The following TMCO6 variants were observed in gnomAD, a reference collection of about 807,000 sequenced individuals.
The protein encoded by TMCO6 is transmembrane and coiled-coil domains 6, also known as transmembrane and coiled-coil domain-containing protein 6.
Under a neutral mutation model 61.8 loss-of-function variants are expected in TMCO6, and 47 were observed. That is an observed-to-expected ratio of 0.76 (90% CI 0.60 to 0.97). The LOEUF (loss-of-function observed/expected upper bound fraction) is 0.97, where lower values mean the gene tolerates loss of function less well. Among genes scored for constraint, TMCO6 ranks in the 50% least tolerant of loss-of-function variants. The pLI, the probability that TMCO6 is intolerant of heterozygous loss-of-function variation, is 0.00. For synonymous variants in TMCO6, 261 were observed against 254.2 expected, an observed-to-expected ratio of 1.03 and a Z score of -0.25; for missense variants, 557 against 601.6, an observed-to-expected ratio of 0.93 and a Z score of 0.78.
At chr5:140,600,257 C>T in the TMCO6 span, among the ~76,000 whole-genome samples, 1 of 152,016 alleles carries the variant, frequency 6.6e-6, no homozygotes, top group South Asian at 2.1e-4. Context: ...GTCCAAAGTC[C>T]CAGCAGTTAT....
In TMCO6 at chr5:140,642,341, C is replaced by T. The variant is rs1201878367; in HGVS notation, c.525C>T (p.Asn175=). 1.2e-6 allele frequency: 2 copies of T among 1,613,700 alleles called. No homozygotes were observed. The highest frequency in any genetic ancestry group is 1.7e-5 in the Admixed American group (1 of 59,954). Residue 175 remains asparagine (N), a synonymous_variant, in exon 5 of 12, where the codon AAC becomes AAT. Coordinates refer to ENST00000394671, the MANE Select transcript of TMCO6 (RefSeq NM_018502.5). The part of the protein sequence containing the change: ...FIELCLYTLG[N]LIVESEAVRR... ...AGCTGTGTCTGTATACACTGGGTAA[C>T]CTGATCGTGGAGAGTGAGGCTGTGA...
At position 140,644,646 on chromosome 5, in the gene TMCO6, T is replaced by C; in HGVS notation, c.1274T>C (p.Leu425Pro). 6.2e-7 allele frequency: 1 copy of C among 1,614,252 alleles called. No individual in the cohort carries two copies. ...YCQRLWPGPL[L>P]PALLHTLAFS... ...CAGCGGCTGTGGCCAGGGCCCCTGCTTCCCGCCTTGCTGCACACACTAGCC... is the reference window on the plus strand; with the variant it reads ...CAGCGGCTGTGGCCAGGGCCCCTGCCTCCCGCCTTGCTGCACACACTAGCC... The change falls in exon 11 of 12, where the codon CTT (leucine) becomes CCT (proline). Residue 425 changes from leucine (L) to proline (P), a missense_variant. Physicochemically the swap from Leu to Pro is moderately conservative, Grantham distance 98. Transcript: ENST00000394671.
At chr5:140,608,396 G>T in the TMCO6 span, among the ~76,000 whole-genome samples, 1 of 152,102 alleles carries the variant, frequency 6.6e-6, no homozygotes, top group African/African-American at 2.4e-5. Flanking sequence ...TAAACTCTGG[G>T]TAGTAAACCA....
chr5:140,598,594 C>T, the TMCO6 span, among the ~76,000 whole-genome samples: 2 of 152,176 alleles, frequency 1.3e-5, no homozygotes, highest in African/African-American at 4.8e-5. Flanking sequence ...ATAGTATTTT[C>T]AGCATTCGTA....
chr5:140,642,296 T>A lies in TMCO6; in HGVS notation c.499-19T>A. 1 of 1,595,482 alleles carries A rather than the reference T, an allele frequency of 6.3e-7. No homozygotes were observed. The highest frequency in any genetic ancestry group is 1.1e-5 in the South Asian group (1 of 88,644). ...GCATGAAACAGGCCAAGCCCAGTGC[T>A]TTTGTTGCCTGTTCTCAGGAGCTGT... On this transcript the variant is annotated intron_variant, in intron 4 of 11. Coordinates refer to ENST00000394671, the MANE Select transcript of TMCO6 (RefSeq NM_018502.5).
At chr5:140,603,749 G>C in the TMCO6 span, among the ~76,000 whole-genome samples, 1 of 152,154 alleles carries the variant, frequency 6.6e-6, no homozygotes, top group Non-Finnish European at 1.5e-5. Context: ...CTGTTGATGA[G>C]CATTTGGGTT....
chr5:140,632,980 C>T, the TMCO6 span: 2 of 1,614,014 alleles, frequency 1.2e-6, no homozygotes, highest in African/African-American at 2.7e-5. The surrounding 1 kb of genome is among the most constrained non-coding windows in gnomAD (Gnocchi z 6.2). Flanking sequence ...GACGCGCGCT[C>T]CTGGGGAGAG....
In TMCO6 at chr5:140,642,342, C is replaced by G. The variant is rs1197054314; in HGVS notation, c.526C>G (p.Leu176Val). ...IELCLYTLGNLIVESEAVRRQ... is the reference protein window; with the variant it reads ...IELCLYTLGNVIVESEAVRRQ... ...GCTGTGTCTGTATACACTGGGTAAC[C>G]TGATCGTGGAGAGTGAGGCTGTGAG... The change falls in exon 5 of 12, where the codon CTG becomes GTG. Residue 176 changes from leucine (L) to valine (V), a missense_variant. Transcript: ENST00000394671. 6.2e-7 allele frequency: 1 copy of G among 1,613,568 alleles called. No individual in the cohort carries two copies. Among genetic ancestry groups the G allele is most frequent in the African/African-American group, 1.3e-5 (1 of 74,932 alleles).
At chr5:140,647,539 G>A (rs765747363), downstream of TMCO6, 1 of 1,612,046 alleles carries the variant, frequency 6.2e-7, no homozygotes, top group Non-Finnish European at 8.5e-7. Context: ...TCTCACGCAG[G>A]CCCAGCTTTG....
the TMCO6 span, among the ~76,000 whole-genome samples, chr5:140,620,267 C>A: frequency 6.6e-6 from 1 of 152,058 alleles, no homozygotes; most frequent in East Asian, 1.9e-4. Context: ...GTGAAAGAAG[C>A]CAATCTTAAA....
At chr5:140,616,376 A>G in the TMCO6 span, among the ~76,000 whole-genome samples, 6 of 152,312 alleles carry the variant, frequency 3.9e-5, no homozygotes, top group African/African-American at 1.4e-4. Flanking sequence ...CCTGGGCAAC[A>G]TAGTAAACCA....
intron 2 of TMCO6, 62 bp from the exon 3 acceptor site, chr5:140,641,599 CAGAG>C (rs1236859402): frequency 7.2e-7 from 1 of 1,387,468 alleles, no homozygotes; most frequent in Non-Finnish European, 1.0e-6. Flanking sequence ...GTGAAGTGGG[CAGAG>C]AGAGACTTAG....
downstream of TMCO6, chr5:140,645,843 C>G: frequency 8.0e-7 from 1 of 1,246,996 alleles, no homozygotes; most frequent in Non-Finnish European, 1.1e-6. Context: ...CAATAGGTCT[C>G]AAACACATCT....
the TMCO6 span, among the ~76,000 whole-genome samples, chr5:140,626,191 T>G: frequency 6.6e-6 from 1 of 151,802 alleles, no homozygotes; most frequent in African/African-American, 2.4e-5. Context: ...CCTACTGGAC[T>G]GTCCACCTGT....
At chr5:140,601,909 A>G in the TMCO6 span, among the ~76,000 whole-genome samples, 1 of 152,244 alleles carries the variant, frequency 6.6e-6, no homozygotes, top group Non-Finnish European at 1.5e-5. Context: ...CAGTATATTC[A>G]TGAATATTTT....
the TMCO6 span, among the ~76,000 whole-genome samples, chr5:140,611,588 A>T: frequency 6.6e-6 from 1 of 152,228 alleles, no homozygotes; most frequent in East Asian, 1.9e-4. Flanking sequence ...CCAAGATGAC[A>T]GTGCTCCTGC....
At chr5:140,644,274 C>T (rs2149797825) in intron 10 of TMCO6, 80 bp downstream of exon 10, 1 of 1,467,938 alleles carries the variant, frequency 6.8e-7, no homozygotes, top group East Asian at 2.3e-5. Flanking sequence ...CAGATGTACC[C>T]TTAGTTGAGA....
Position 140,645,168 on chromosome 5 carries a change from G to C in TMCO6, c.*70G>C. 6.7e-7 allele frequency: 1 copy of C among 1,492,048 alleles called. No homozygotes were observed. Among genetic ancestry groups the C allele is most frequent in the South Asian group, 1.1e-5 (1 of 88,410 alleles). 92.4% of individuals were successfully genotyped at this position (1,492,048 alleles called of 1,614,324 possible). On this transcript the variant is annotated 3_prime_UTR_variant, in exon 12 of 12. Coordinates refer to ENST00000394671, the MANE Select transcript of TMCO6 (RefSeq NM_018502.5). ...GCTTGTTTGTCCAGTAGAGCCTTTGGAGATTTAGGACCATAATGAGGTCTC... is the reference window on the plus strand; with the variant it reads ...GCTTGTTTGTCCAGTAGAGCCTTTGCAGATTTAGGACCATAATGAGGTCTC...
At chr5:140,611,620 C>T in the TMCO6 span, among the ~76,000 whole-genome samples, 2 of 152,160 alleles carry the variant, frequency 1.3e-5, no homozygotes, top group Non-Finnish European at 1.5e-5. Flanking sequence ...CATCATTGCA[C>T]TCCTGGCATA....
Sources: allele counts gnomAD v4.1 joint callset (sites outside exome capture counted in the v4.1 genomes callset), GRCh38; gene constraint gnomAD v4.1.1; non-coding constraint Gnocchi (gnomAD v3.1); transcripts MANE v1.5; gene names NCBI Gene and HGNC (gene_info 2026-07-23, HGNC 2026-07-21).